NKAIN1: variants seen among roughly 807,000 people sequenced by gnomAD.
NKAIN1 encodes sodium/potassium-transporting ATPase subunit beta-1-interacting protein 1.
Under a neutral mutation model 31.6 loss-of-function variants are expected in NKAIN1, and 13 were observed. The ratio of observed to expected loss-of-function variants is 0.41; its 90% CI spans 0.27 to 0.65. The LOEUF (loss-of-function observed/expected upper bound fraction) is 0.65. Ranked by LOEUF, NKAIN1 falls within the 30% of genes least tolerant of loss-of-function variation. NKAIN1 has a pLI of 0.30. For missense variants in NKAIN1, 193 were observed against 262.2 expected (o/e 0.74, Z 1.82); for synonymous variants, 104 against 109.0 (o/e 0.95, Z 0.28).
rs1302725960 is a variant in NKAIN1 at position 31,188,257 on chromosome 1, T to C, written c.55-70A>G. 7 of 1,509,800 alleles carry C rather than the reference T, an allele frequency of 4.6e-6. No individual in the cohort carries two copies. In the East Asian group the frequency reaches 1.5e-4, roughly 32 times the overall value. The allele number at this position is 1,509,800 out of a possible 1,614,324, so 93.5% of individuals were successfully genotyped here. ...GAAGGACAGGGATTCCTGCTTGACC[T>C]TGGGGAGCAGGTGGCACCAGTTACC... On this transcript the variant is annotated intron_variant, in intron 1 of 6. Transcript: ENST00000373736.
chr1:31,187,206 T>C (rs1048222134), intron 2 of NKAIN1, among the ~76,000 whole-genome samples: 1 of 152,126 alleles, frequency 6.6e-6, no homozygotes, highest in African/African-American at 2.4e-5. Flanking sequence ...TGACATTGCA[T>C]GTCATTGTGA....
intron 1 of NKAIN1, among the ~76,000 whole-genome samples, chr1:31,232,162 G>C (rs1421786194): frequency 6.7e-6 from 1 of 149,480 alleles, no homozygotes; most frequent in Non-Finnish European, 1.5e-5. Flanking sequence ...CGTGATCTTG[G>C]CTTACCACAA....
chr1:31,195,443 TTGCCC>T (rs1013539672), intron 1 of NKAIN1, among the ~76,000 whole-genome samples: 1 of 151,926 alleles, frequency 6.6e-6, no homozygotes, highest in African/African-American at 2.4e-5. Flanking sequence ...CTGCCTTGCC[TTGCCC>T]TGCCCTGCCC....
intron 2 of NKAIN1, among the ~76,000 whole-genome samples, chr1:31,187,188 A>G (rs1645250569): frequency 6.6e-6 from 1 of 152,152 alleles, no homozygotes; most frequent in Non-Finnish European, 1.5e-5. Flanking sequence ...TGGGCTCTGG[A>G]GGCAGCATGA....
At chr1:31,227,317 G>T (rs1645615633) in intron 1 of NKAIN1, among the ~76,000 whole-genome samples, 1 of 152,168 alleles carries the variant, frequency 6.6e-6, no homozygotes, top group African/African-American at 2.4e-5. Flanking sequence ...CACCTCTAGG[G>T]CTGTTGTGAG....
At chr1:31,230,118 T>C (rs1645634388) in intron 1 of NKAIN1, among the ~76,000 whole-genome samples, 1 of 152,106 alleles carries the variant, frequency 6.6e-6, no homozygotes, top group African/African-American at 2.4e-5. Context: ...CTTCCATTCA[T>C]TGAGAAAGGG....
At chr1:31,218,075 T>TCTTTCTTTCTTTCTTTCTC (rs1557660009) in intron 1 of NKAIN1, among the ~76,000 whole-genome samples, 2 of 148,230 alleles carry the variant, frequency 1.3e-5, no homozygotes, top group African/African-American at 5.1e-5. Flanking sequence ...TTTCTTTTTT[T>TCTTTCTTTCTTTCTTTCTC]TTTTTGAGAT....
chr1:31,217,451 C>T (rs1239840624), intron 1 of NKAIN1, among the ~76,000 whole-genome samples: 1 of 152,170 alleles, frequency 6.6e-6, no homozygotes, highest in Non-Finnish European at 1.5e-5. Context: ...CTGGTGTGAG[C>T]CACCATGCCT....
At chr1:31,235,949 A>T (rs6686845) in intron 1 of NKAIN1, among the ~76,000 whole-genome samples, 79,453 of 152,000 alleles carry the variant, frequency 0.52, 21,633 homozygotes, top group Non-Finnish European at 0.6. Context: ...CCACAGACAC[A>T]TCCCATGATA....
At position 31,239,784 on chromosome 1, in the gene NKAIN1, C is replaced by T. The variant is rs1040653586; in HGVS notation, c.-237G>A. Among the ~76,000 whole-genome samples, 1 of 151,676 alleles carries T rather than the reference C, an allele frequency of 6.6e-6. No homozygotes were observed. The highest frequency in any genetic ancestry group is 6.6e-5 in the Admixed American group (1 of 15,236). On this transcript the variant is annotated 5_prime_UTR_variant, in exon 1 of 7. Coordinates refer to ENST00000373736, the MANE Select transcript of NKAIN1 (RefSeq NM_024522.3). This position sits in a 1 kb window ranked among gnomAD's most constrained non-coding sequence, Gnocchi z 4.8. ...CCCCGCCGAGCCGCGCCTCCTTTGT[C>T]TAGCGGGCCGTCCGTCAGGCGCGCC... is the stretch of plus-strand genomic sequence containing the variant.
chr1:31,221,477 C>A (rs1441622682), intron 1 of NKAIN1, among the ~76,000 whole-genome samples: 1 of 152,138 alleles, frequency 6.6e-6, no homozygotes, highest in Non-Finnish European at 1.5e-5. Flanking sequence ...TGCTCTGTCG[C>A]CAGGCTGGAG....
At chr1:31,189,524 C>T (rs1645269997) in intron 1 of NKAIN1, among the ~76,000 whole-genome samples, 1 of 152,084 alleles carries the variant, frequency 6.6e-6, no homozygotes, top group African/African-American at 2.4e-5. Context: ...ACCATGTTGG[C>T]CAGGCTGGTC....
At chr1:31,209,028 C>T (rs1208928725) in intron 1 of NKAIN1, among the ~76,000 whole-genome samples, 3 of 152,210 alleles carry the variant, frequency 2.0e-5, no homozygotes, top group Non-Finnish European at 4.4e-5. Flanking sequence ...AGGGAAGATG[C>T]CCTCCGTGGC....
In NKAIN1 at chr1:31,232,426, GAGA is replaced by G. The variant is rs1557664480; in HGVS notation, c.54+7065_54+7067del. On this transcript the variant is annotated intron_variant, in intron 1 of 6. Transcript: ENST00000373736. ...ATATATATATATATATATATATATAGAGAGAGAGAGAGAGAGAGAGAGAGAGAG... is the reference window on the plus strand; with the variant it reads ...ATATATATATATATATATATATATAGGAGAGAGAGAGAGAGAGAGAGAGAG... Among the ~76,000 whole-genome samples, 34 of 12,512 alleles carry G rather than the reference GAGA, an allele frequency of 2.7e-3. 2 individuals carry two copies. Among genetic ancestry groups the G allele is most frequent in the African/African-American group, 7.5e-3 (33 of 4,424 alleles). 8.2% of individuals were successfully genotyped at this position (12,512 alleles called of 152,430 possible). A position where few individuals can be genotyped will look rare whatever the true frequency, so the allele number is the denominator to read the frequency against.
chr1:31,182,540 C>A lies in NKAIN1; in HGVS notation c.522G>T (p.Glu174Asp), dbSNP rs760331473. ...ACYVSKVFLE[E>D]EDSFDFIGGF... Reference sequence around the variant, plus strand: ...GGGCGCCTTACTCACAGCTGTCCTCCTCCTCCAGGAACACTTTGCTCACGT... The same window carrying A: ...GGGCGCCTTACTCACAGCTGTCCTCATCCTCCAGGAACACTTTGCTCACGT... The change falls in exon 5 of 7, where the codon GAG becomes GAT. Residue 174 changes from glutamate to aspartate, a missense_variant. Transcript: ENST00000373736. 2 of 1,614,020 alleles carry A rather than the reference C, an allele frequency of 1.2e-6. No individual in the cohort carries two copies. The highest frequency in any genetic ancestry group is 1.3e-5 in the African/African-American group (1 of 74,932).
chr1:31,202,536 G>T (rs1645389089), intron 1 of NKAIN1, among the ~76,000 whole-genome samples: 1 of 151,172 alleles, frequency 6.6e-6, no homozygotes, highest in Non-Finnish European at 1.5e-5. Context: ...AACTAGCCGG[G>T]TGTGGTGGTG....
intron 1 of NKAIN1, among the ~76,000 whole-genome samples, chr1:31,202,311 A>G (rs928834530): frequency 6.6e-6 from 1 of 152,162 alleles, no homozygotes; most frequent in Non-Finnish European, 1.5e-5. Context: ...ATTAGCATAT[A>G]TCTACATTAA....
intron 1 of NKAIN1, among the ~76,000 whole-genome samples, chr1:31,214,174 G>C (rs1645492821): frequency 6.6e-6 from 1 of 152,060 alleles, no homozygotes; most frequent in Non-Finnish European, 1.5e-5. Context: ...AAGGATAACA[G>C]TCACAAAGGA....
chr1:31,188,599 G>C (rs1645262262), intron 1 of NKAIN1, among the ~76,000 whole-genome samples: 2 of 152,086 alleles, frequency 1.3e-5, no homozygotes, highest in African/African-American at 4.8e-5. Flanking sequence ...GGCATTCCTG[G>C]GCTACAGAGA....
Sources: gnomAD v4.1 joint callset for allele counts (sites outside exome capture counted in the v4.1 genomes callset) on GRCh38, gnomAD v4.1.1 for gene constraint, Gnocchi (gnomAD v3.1) non-coding constraint, MANE v1.5 for transcripts, NCBI Gene and HGNC (gene_info 2026-07-23, HGNC 2026-07-21) for gene names.